Variants in WIPF3 observed in about 807,000 individuals in gnomAD.
WIPF3 encodes the protein WAS/WASL-interacting protein family member 3.
A neutral mutation model predicts 38.9 loss-of-function variants in WIPF3; 33 were observed. The observed-to-expected ratio is 0.85, with a 90% CI of 0.64 to 1.14. WIPF3 has a LOEUF of 1.14. Among genes scored for constraint, WIPF3 ranks in the 50% most tolerant of loss-of-function variants. The pLI is 0.00. For missense variants in WIPF3, 711 were observed against 652.5 expected (o/e 1.09, Z -0.98); for synonymous variants, 324 against 269.3 (o/e 1.20, Z -1.99).
At chr7:29,893,077 CAA>C (rs3216983) in intron 7 of WIPF3, among the ~76,000 whole-genome samples, 1 of 146,290 alleles carries the variant, frequency 6.8e-6, no homozygotes, top group Non-Finnish European at 1.5e-5. Context: ...AAACAAAAAA[CAA>C]AAAAAAAAGA....
rs754441561 is a variant in WIPF3, at chr7:29,883,971, T to C, written c.477T>C (p.His159=). 8.4e-6 allele frequency: 13 copies of C among 1,543,572 alleles called. No homozygotes were observed. The highest frequency in any genetic ancestry group is 1.0e-5 in the Non-Finnish European group (12 of 1,143,420). Residue 159 remains histidine (H), a synonymous_variant, in exon 5 of 9, where the codon CAT becomes CAC. Coordinates refer to ENST00000242140, the MANE Select transcript of WIPF3 (RefSeq NM_001080529.3). ...GGCTAGGCAATACCTCCGAGGCGCATGGCGCTGCCAGGACAGCCCCGCCTC... is the reference window on the plus strand; with the variant it reads ...GGCTAGGCAATACCTCCGAGGCGCACGGCGCTGCCAGGACAGCCCCGCCTC... ...SPRLGNTSEA[H]GAARTAPPRP...
intron 8 of WIPF3, among the ~76,000 whole-genome samples, chr7:29,913,894 G>A (rs1302999589): frequency 6.6e-6 from 1 of 152,196 alleles, no homozygotes; most frequent in African/African-American, 2.4e-5. Flanking sequence ...GATCACCTGA[G>A]TCTGGTGGTT....
intron 2 of WIPF3, among the ~76,000 whole-genome samples, chr7:29,858,937 C>G (rs1226087473): frequency 6.6e-6 from 1 of 152,112 alleles, no homozygotes; most frequent in South Asian, 2.1e-4. Context: ...TTTAATGAAG[C>G]TTTAAGAGTG....
intron 1 of WIPF3, among the ~76,000 whole-genome samples, chr7:29,813,814 G>A (rs1481517140): frequency 3.9e-5 from 6 of 151,936 alleles, no homozygotes; most frequent in Non-Finnish European, 8.8e-5. Flanking sequence ...GTTAATAGTC[G>A]CTTCTCATCT....
At chr7:29,870,948 C>A (rs1297047436) in intron 2 of WIPF3, among the ~76,000 whole-genome samples, 3 of 130,328 alleles carry the variant, frequency 2.3e-5, no homozygotes, top group Non-Finnish European at 5.1e-5. Flanking sequence ...CAGAGTGACA[C>A]CCCATCTCCA....
intron 1 of WIPF3, among the ~76,000 whole-genome samples, chr7:29,829,274 G>A (rs1422278437): frequency 4.3e-5 from 6 of 139,090 alleles, no homozygotes; most frequent in African/African-American, 1.4e-4. Context: ...GTGCAGTGGC[G>A]CAATCTAGGC....
intron 2 of WIPF3, among the ~76,000 whole-genome samples, chr7:29,858,675 G>A (rs1202610939): frequency 6.6e-6 from 1 of 152,180 alleles, no homozygotes; most frequent in Non-Finnish European, 1.5e-5. Flanking sequence ...TGCAGCTGTC[G>A]TGACCTTCCA....
At chr7:29,899,831 T>C (rs1240949310) in intron 7 of WIPF3, among the ~76,000 whole-genome samples, 1 of 152,078 alleles carries the variant, frequency 6.6e-6, no homozygotes, top group African/African-American at 2.4e-5. Flanking sequence ...TTGTAAAAAA[T>C]AAATTCGTGT....
chr7:29,811,284 G>GATGATT lies in WIPF3; in HGVS notation c.-58+4611_-58+4612insTATGAT, dbSNP rs900262485. 9.8e-5 allele frequency among the ~76,000 whole-genome samples: 14 copies of GATGATT among 142,278 alleles called. 1 individual carries two copies. The highest frequency in any genetic ancestry group is 3.3e-4 in the African/African-American group (13 of 39,916). The allele number at this position is 142,278 out of a possible 152,430, so 93.3% of individuals were successfully genotyped here. A position where few individuals can be genotyped will look rare whatever the true frequency, so the allele number is the denominator to read the frequency against. On this transcript the variant is annotated intron_variant, in intron 1 of 8. Transcript: ENST00000242140. ...TGATGATGATGATGATGATGATGAT[G>GATGATT]ATGATGATCTGATGCTTTTAAAAAT...
chr7:29,813,494 T>C (rs1784412442), intron 1 of WIPF3, among the ~76,000 whole-genome samples: 1 of 152,242 alleles, frequency 6.6e-6, no homozygotes, highest in African/African-American at 2.4e-5. Context: ...ATGGAAGACC[T>C]GGCTCAGACA....
rs530162346 is a variant in WIPF3 at position 29,865,200 on chromosome 7, C to T, written c.91-10630C>T. On this transcript the variant is annotated intron_variant, in intron 2 of 8. Transcript: ENST00000242140. ...TAAATGGTGGACCCAGAATCCCAAC[C>T]GAGGTGATGGGACTCTGGAGCCCTC... 2.7e-3 allele frequency among the ~76,000 whole-genome samples: 413 copies of T among 152,166 alleles called. 2 individuals carry two copies. The highest frequency in any genetic ancestry group is 3.7e-3 in the Non-Finnish European group (253 of 68,002).
intron 2 of WIPF3, among the ~76,000 whole-genome samples, chr7:29,847,184 G>A (rs1256553383): frequency 6.6e-6 from 1 of 152,172 alleles, no homozygotes; most frequent in Non-Finnish European, 1.5e-5. Flanking sequence ...TCATTTTGGG[G>A]ACTGGAAAAC....
chr7:29,891,143 GCGGGCCTGCCCTGTGCTC>G (rs1433199865), intron 7 of WIPF3, among the ~76,000 whole-genome samples: 54 of 40,898 alleles, frequency 1.3e-3, no homozygotes, highest in East Asian at 2.8e-3. Context: ...TGGAGGGGGC[GCGGGCCTGCCCTGTGCTC>G]AGGTGGAGGG....
intron 1 of WIPF3, among the ~76,000 whole-genome samples, chr7:29,814,740 T>C (rs984813916): frequency 1.3e-5 from 2 of 152,226 alleles, no homozygotes; most frequent in Non-Finnish European, 2.9e-5. Flanking sequence ...ACAATCAGAA[T>C]TGCTAGTGTA....
At chr7:29,883,758 C>T in intron 4 of WIPF3, 92 bp from the exon 5 acceptor site, 5 of 1,468,412 alleles carry the variant, frequency 3.4e-6, no homozygotes, top group East Asian at 2.5e-5. Context: ...CAGCTCACTG[C>T]GGGCAGGCTT....
intron 8 of WIPF3, among the ~76,000 whole-genome samples, chr7:29,909,721 C>G (rs1786467825): frequency 6.6e-6 from 1 of 151,904 alleles, no homozygotes. Context: ...CATAGCGAAC[C>G]CTGTCTCTAC....
Position 29,824,393 on chromosome 7 carries a change from G to C in WIPF3, c.-57-10275G>C, listed in dbSNP as rs146123744. Among the ~76,000 whole-genome samples the C allele has an allele frequency of 1.7e-3, 254 of 152,300 alleles. No homozygotes were observed. The East Asian group carries it at 0.024, about 15-fold the overall frequency. ...AGTAGAAGTGTGACCAAAGTGCAAAGTGCTATAGGGGCAGTTAGCCCTCCC... is the reference window on the plus strand; with the variant it reads ...AGTAGAAGTGTGACCAAAGTGCAAACTGCTATAGGGGCAGTTAGCCCTCCC... On this transcript the variant is annotated intron_variant, in intron 1 of 8. Transcript: ENST00000242140.
At chr7:29,887,492 TTGGATTCAAGTTAGGCCC>T in intron 5 of WIPF3, among the ~76,000 whole-genome samples, 1 of 152,110 alleles carries the variant, frequency 6.6e-6, no homozygotes, top group East Asian at 1.9e-4. Flanking sequence ...AGGAAGTAGG[TTGGATTCAAGTTAGGCCC>T]TGGAGGGCAC....
intron 2 of WIPF3, among the ~76,000 whole-genome samples, chr7:29,874,761 AC>A (rs764401532): frequency 1.3e-5 from 2 of 152,292 alleles, no homozygotes; most frequent in Non-Finnish European, 2.9e-5. Flanking sequence ...GGAAACCTCC[AC>A]CATGTCAGCT....
Sources: allele counts gnomAD v4.1 joint callset (sites outside exome capture counted in the v4.1 genomes callset), GRCh38; gene constraint gnomAD v4.1.1; transcripts MANE v1.5; gene names NCBI Gene and HGNC (gene_info 2026-07-23, HGNC 2026-07-21).